UGT2B10: variants seen among roughly 807,000 people sequenced by gnomAD.
UGT2B10 encodes the protein UDP-glucuronosyltransferase 2B10.
A neutral mutation model predicts 43.7 loss-of-function variants in UGT2B10; 51 were observed. The ratio of observed to expected loss-of-function variants is 1.17; its 90% confidence interval spans 0.93 to 1.47. UGT2B10 has a LOEUF of 1.47. Ranked by LOEUF, UGT2B10 falls within the 40% of genes most tolerant of loss-of-function variation. The pLI is 0.00. For missense variants in UGT2B10, 696 were observed against 617.7 expected (o/e 1.13, Z -1.34); for synonymous variants, 225 against 209.0 (o/e 1.08, Z -0.66).
At chr4:68,829,117 GAAATATCTATTCAACATAA>G (rs1329601909) in intron 5 of UGT2B10, among the ~76,000 whole-genome samples, 1 of 151,838 alleles carries the variant, frequency 6.6e-6, no homozygotes, top group Admixed American at 6.6e-5. Context: ...GTTAGCAACA[GAAATATCTATTCAACATAA>G]AATGAAGACA....
At chr4:68,824,390 C>G (rs1232553046) in intron 3 of UGT2B10, among the ~76,000 whole-genome samples, 2 of 152,134 alleles carry the variant, frequency 1.3e-5, no homozygotes, top group African/African-American at 4.8e-5. Flanking sequence ...GGACTCAGCA[C>G]TAATTACCAG....
Position 68,816,281 on chromosome 4 carries a change from A to T in UGT2B10, c.262A>T (p.Ile88Phe). 2 of 1,613,216 alleles carry T rather than the reference A, an allele frequency of 1.2e-6. No homozygotes were observed. Among genetic ancestry groups the T allele is most frequent in the Non-Finnish European group, 1.7e-6 (2 of 1,179,448 alleles). ...TTTAACTAAAACTGAATTTGAGAATATCATCATGCAATTGGTTAAGAGATT... is the reference window on the plus strand; with the variant it reads ...TTTAACTAAAACTGAATTTGAGAATTTCATCATGCAATTGGTTAAGAGATT... Reference protein sequence around the residue: ...TSLTKTEFENIIMQLVKRLSE... With the variant: ...TSLTKTEFENFIMQLVKRLSE... Residue 88 changes from isoleucine to phenylalanine, a missense_variant, in exon 1 of 6, where the codon ATC (isoleucine) becomes TTC (phenylalanine). Transcript: ENST00000265403.
chr4:68,827,174 C>T (rs1473059987), intron 4 of UGT2B10, among the ~76,000 whole-genome samples, 155 bp from the exon 5 acceptor site: 1 of 152,056 alleles, frequency 6.6e-6, no homozygotes, highest in Non-Finnish European at 1.5e-5. Context: ...AGTTACATCT[C>T]CAACACAAGT....
In UGT2B10 at chr4:68,816,230, CT is replaced by C. The variant is rs1183082565; in HGVS notation, c.213del (p.Lys72AsnfsTer9). 1 of 1,613,098 alleles carries C rather than the reference CT, an allele frequency of 6.2e-7. No homozygotes were observed. The highest frequency in any genetic ancestry group is 1.3e-5 in the African/African-American group (1 of 74,842). ...TTTTGATCCCAACGACTCATCCACT[CT>C]TAAACTTGAAGTTTATCCTACATCT... ...ILFDPNDSST[L>X]KLEVYPTSLT... On this transcript the variant is annotated frameshift_variant, in exon 1 of 6. Transcript: ENST00000265403. LOFTEE classifies it high-confidence loss of function.
chr4:68,827,447 T>C lies in UGT2B10; in HGVS notation c.1206T>C (p.Ile402=), dbSNP rs1268236205. 3.7e-6 allele frequency: 6 copies of C among 1,613,604 alleles called. No individual in the cohort carries two copies. The highest frequency in any genetic ancestry group is 5.1e-6 in the Non-Finnish European group (6 of 1,179,664). The part of the protein sequence containing the change: ...IPLFFDQPDN[I]AHMKAKGAAV... Reference sequence around the variant, plus strand: ...TGTTTTTTGATCAACCTGATAATATTGCTCACATGAAGGCCAAGGGAGCAG... The same window carrying C: ...TGTTTTTTGATCAACCTGATAATATCGCTCACATGAAGGCCAAGGGAGCAG... Residue 402 remains isoleucine, a synonymous_variant, in exon 5 of 6, where the codon ATT becomes ATC. Coordinates refer to ENST00000265403, the MANE Select transcript of UGT2B10 (RefSeq NM_001075.6).
chr4:68,826,666 T>C (rs536490794), intron 4 of UGT2B10, among the ~76,000 whole-genome samples, 169 bp downstream of exon 4: 1 of 152,298 alleles, frequency 6.6e-6, no homozygotes, highest in East Asian at 1.9e-4. Flanking sequence ...ATTGTTGGCA[T>C]TTTGTGATAC....
In UGT2B10 at chr4:68,830,680, T is replaced by C; in HGVS notation, c.1388T>C (p.Ile463Thr). ...CCCCTGGATCGAGCAGTCTTCTGGA[T>C]TGAATTTGTCATGCGCCACAAAGGA... ...VKPLDRAVFW[I>T]EFVMRHKGAK... is the part of the protein sequence containing the mutation. Residue 463 changes from isoleucine (I) to threonine (T), a missense_variant, in exon 6 of 6, where the codon ATT becomes ACT. By Grantham distance (89) the Ile-to-Thr change is moderately conservative (BLOSUM62 -1). Transcript: ENST00000265403. 6.2e-7 allele frequency: 1 copy of C among 1,613,406 alleles called. No individual in the cohort carries two copies. The highest frequency in any genetic ancestry group is 1.3e-5 in the African/African-American group (1 of 75,008).
In UGT2B10 at chr4:68,831,816, A is replaced by G. The variant is rs1214380871; in HGVS notation, c.*937A>G. Among the ~76,000 whole-genome samples, 2 of 152,000 alleles carry G rather than the reference A, an allele frequency of 1.3e-5. No individual in the cohort carries two copies. The highest frequency in any genetic ancestry group is 2.9e-5 in the Non-Finnish European group (2 of 67,970). ...ATTTCATTCTGTCCTAACTCTTGCA[A>G]CCTGCATGTCCTCTTTATTATTGAT... On this transcript the variant is annotated 3_prime_UTR_variant, in exon 6 of 6. Transcript: ENST00000265403.
At chr4:68,816,877 A>C in intron 1 of UGT2B10, 140 bp downstream of exon 1, 1 of 796,432 alleles carries the variant, frequency 1.3e-6, no homozygotes, top group Non-Finnish European at 1.9e-6. Flanking sequence ...ATGATCTACC[A>C]ATCTCACAAA....
At chr4:68,818,775 A>T (rs1273711826) in intron 2 of UGT2B10, among the ~76,000 whole-genome samples, 2 of 151,830 alleles carry the variant, frequency 1.3e-5, no homozygotes, top group Admixed American at 1.3e-4. Flanking sequence ...AGTGGTCAGG[A>T]CAGTTCTCAA....
intron 3 of UGT2B10, among the ~76,000 whole-genome samples, chr4:68,823,190 T>G (rs1737597354): frequency 6.6e-6 from 1 of 152,040 alleles, no homozygotes; most frequent in East Asian, 1.9e-4. Context: ...GTAAAAAGAA[T>G]GAATTCCAGT....
chr4:68,825,373 G>A (rs865849204), intron 3 of UGT2B10, among the ~76,000 whole-genome samples: 1 of 151,488 alleles, frequency 6.6e-6, no homozygotes, highest in Admixed American at 6.6e-5. Context: ...GAGTACATGT[G>A]CAGGTTTTTT....
rs192214355 is a variant in UGT2B10 at position 68,825,225 on chromosome 4, A to G, written c.1000-1185A>G. On this transcript the variant is annotated intron_variant, in intron 3 of 5. Transcript: ENST00000265403. The stretch of plus-strand genomic sequence containing the variant: ...ATAAAATACATAAAACAAAATAAAC[A>G]TATAGGTCATTACTAAATTGTTACT... 5.0e-5 allele frequency among the ~76,000 whole-genome samples: 6 copies of G among 119,954 alleles called. No homozygotes were observed. The East Asian group carries it at 1.5e-3, about 29-fold the overall frequency. 78.7% of individuals were successfully genotyped at this position (119,954 alleles called of 152,430 possible).
Position 68,830,916 on chromosome 4 carries a change from T to G in UGT2B10, c.*37T>G. 6.3e-7 allele frequency: 1 copy of G among 1,597,254 alleles called. No homozygotes were observed. The highest frequency in any genetic ancestry group is 1.1e-5 in the South Asian group (1 of 88,582). ...ATTTGAAGCTGGAAAACCTGATAGATAGGAATACTTCAGTTGATTCCAGCA... is the reference window on the plus strand; with the variant it reads ...ATTTGAAGCTGGAAAACCTGATAGAGAGGAATACTTCAGTTGATTCCAGCA... On this transcript the variant is annotated 3_prime_UTR_variant, in exon 6 of 6. Coordinates refer to ENST00000265403, the MANE Select transcript of UGT2B10 (RefSeq NM_001075.6).
chr4:68,827,611 G>A (rs1737863189), intron 5 of UGT2B10, 63 bp downstream of exon 5: 1 of 1,594,434 alleles, frequency 6.3e-7, no homozygotes, highest in Admixed American at 1.7e-5. Flanking sequence ...TCAGTAGTGA[G>A]CATGAGTTTC....
intron 3 of UGT2B10, among the ~76,000 whole-genome samples, chr4:68,824,333 C>T (rs1737661678): frequency 6.6e-6 from 1 of 152,178 alleles, no homozygotes; most frequent in African/African-American, 2.4e-5. Flanking sequence ...GCAGATGGAT[C>T]CTGACCTGAA....
intron 2 of UGT2B10, 142 bp downstream of exon 2, chr4:68,818,319 T>C (rs561484204): frequency 1.8e-4 from 259 of 1,440,606 alleles, no homozygotes; most frequent in Non-Finnish European, 2.3e-4. Context: ...TAGAAACTCA[T>C]GTACATGTTA....
In UGT2B10 at chr4:68,822,253, T is replaced by A; in HGVS notation, c.868-18T>A. 1 of 1,608,814 alleles carries A rather than the reference T, an allele frequency of 6.2e-7. No individual in the cohort carries two copies. The highest frequency in any genetic ancestry group is 8.5e-7 in the Non-Finnish European group (1 of 1,179,004). On this transcript the variant is annotated intron_variant, in intron 2 of 5. Transcript: ENST00000265403. ...GTGATACTCTTTTATGATGAAACAT[T>A]TTTTCTTTTTCCCACAGGAAATGGA...
Position 68,830,973 on chromosome 4 carries a change from C to A in UGT2B10, c.*94C>A. 1.4e-6 allele frequency: 2 copies of A among 1,477,382 alleles called. No individual in the cohort carries two copies. Among genetic ancestry groups the A allele is most frequent in the Admixed American group, 2.4e-5 (1 of 41,764 alleles). 91.5% of individuals were successfully genotyped at this position (1,477,382 alleles called of 1,614,324 possible). On this transcript the variant is annotated 3_prime_UTR_variant, in exon 6 of 6. Coordinates refer to ENST00000265403, the MANE Select transcript of UGT2B10 (RefSeq NM_001075.6). Reference sequence around the variant, plus strand: ...ATTGTGATGCAAGATTTCTTTCTTCCTGTGACAAAAAAAAATCCTTTCGAA... The same window carrying A: ...ATTGTGATGCAAGATTTCTTTCTTCATGTGACAAAAAAAAATCCTTTCGAA...
Sources: gnomAD v4.1 joint callset for allele counts (sites outside exome capture counted in the v4.1 genomes callset) on GRCh38, gnomAD v4.1.1 for gene constraint, MANE v1.5 for transcripts, NCBI Gene and HGNC (gene_info 2026-07-23, HGNC 2026-07-21) for gene names.